APC2: variants seen among roughly 807,000 people sequenced by gnomAD.
The protein encoded by APC2 is APC regulator of Wnt signaling pathway 2, also known as adenomatous polyposis coli protein 2.
A neutral mutation model predicts 72.5 loss-of-function variants in APC2; 41 were observed. That is an observed-to-expected ratio of 0.57 (90% CI 0.44 to 0.73). APC2 has a LOEUF of 0.73. Ranked by LOEUF, APC2 falls within the 30% of genes least tolerant of loss-of-function variation. The probability of loss-of-function intolerance (pLI) is 0.00; values close to 1 mark genes in which losing one functional copy is unlikely to be tolerated. For missense variants in APC2, 3,729 were observed against 3,403.4 expected (o/e 1.10, Z -2.38); for synonymous variants, 1,898 against 1,612.0 (o/e 1.18, Z -4.25).
Position 1,462,182 on chromosome 19 carries a change from G to GCCCCCACC in APC2, c.1853+15_1853+22dup, listed in dbSNP as rs755456142. The GCCCCCACC allele has an allele frequency of 8.5e-6, 13 of 1,536,250 alleles. No homozygotes were observed. Among genetic ancestry groups the GCCCCCACC allele is most frequent in the African/African-American group, 1.4e-5 (1 of 72,790 alleles). ...CGCCACCCGTGAGGACTACAGGTCGGCCCCCACCCCCCCACCCGCACACAG... is the reference window on the plus strand; with the variant it reads ...CGCCACCCGTGAGGACTACAGGTCGGCCCCCACCCCCCCACCCCCCCACCCGCACACAG... On this transcript the variant is annotated splice_donor_region_variant and intron_variant, in intron 14 of 14. Transcript: ENST00000590469.
chr19:1,456,279 C>T (rs753947911), intron 7 of APC2, 27 bp from the exon 8 acceptor site: 4 of 1,591,944 alleles, frequency 2.5e-6, no homozygotes, highest in East Asian at 4.6e-5. Context: ...TGGGACTGTA[C>T]CCCCGACCCT....
At position 1,466,481 on chromosome 19, in the gene APC2, G is replaced by C. The variant is rs772140440; in HGVS notation, c.3180G>C (p.Ala1060=). The part of the protein sequence containing the change: ...VASKALQKLA[A]QEGPLSLSRC... ...GCAAGGCACTGCAGAAACTGGCGGCGCAAGAGGGGCCACTCTCGCTGTCCC... is the reference window on the plus strand; with the variant it reads ...GCAAGGCACTGCAGAAACTGGCGGCCCAAGAGGGGCCACTCTCGCTGTCCC... The change falls in exon 15 of 15, where the codon GCG becomes GCC. Residue 1060 remains alanine (A), a synonymous_variant. Coordinates refer to ENST00000590469, the MANE Select transcript of APC2 (RefSeq NM_005883.3). 7 of 1,597,762 alleles carry C rather than the reference G, an allele frequency of 4.4e-6. No individual in the cohort carries two copies. The highest frequency in any genetic ancestry group is 2.2e-5 in the East Asian group (1 of 44,826).
At chr19:1,450,671 G>C (rs2145174251) in intron 1 of APC2, among the ~76,000 whole-genome samples, 1 of 152,344 alleles carries the variant, frequency 6.6e-6, no homozygotes, top group Non-Finnish European at 1.5e-5. Context: ...TGGATTAAAG[G>C]AAGGAGAAAG....
Position 1,470,104 on chromosome 19 carries a change from C to G in APC2, c.6803C>G (p.Ala2268Gly). The part of the protein sequence containing the change: ...ASRHGSPSRS[A>G]RVPPFNYVPS... ...CGGCACGGCTCCCCCAGCCGCTCGG[C>G]CCGAGTACCCCCCTTCAACTATGTG... Residue 2268 changes from alanine to glycine, a missense_variant, in exon 15 of 15, where the codon GCC becomes GGC. By Grantham distance (60) the Ala-to-Gly change is moderately conservative (BLOSUM62 0). Transcript: ENST00000590469. The G allele has an allele frequency of 6.2e-7, 1 of 1,605,654 alleles. No individual in the cohort carries two copies.
rs1469084518 is a variant in APC2 at position 1,456,985 on chromosome 19, C to T, written c.949C>T (p.Leu317=). 1 of 1,536,720 alleles carries T rather than the reference C, an allele frequency of 6.5e-7. No individual in the cohort carries two copies. Among genetic ancestry groups the T allele is most frequent in the Non-Finnish European group, 8.7e-7 (1 of 1,147,344 alleles). The change falls in exon 9 of 15, where the codon CTG becomes TTG. Residue 317 remains leucine, a synonymous_variant. Coordinates refer to ENST00000590469, the MANE Select transcript of APC2 (RefSeq NM_005883.3). The part of the protein sequence containing the change: ...AMRRSGCLPL[L]LQILHGTEAA... ...GCGCCGCTCGGGCTGTCTGCCTCTG[C>T]TGCTGCAAATCCTCCACGGCACCGA... is the stretch of plus-strand genomic sequence containing the variant.
At chr19:1,453,754 G>A (rs2083776890) in intron 4 of APC2, 143 bp downstream of exon 4, 7 of 1,164,992 alleles carry the variant, frequency 6.0e-6, no homozygotes, top group Middle Eastern at 2.9e-4. Context: ...ACTGCCCACC[G>A]AACAACCCCG....
intron 4 of APC2, among the ~76,000 whole-genome samples, chr19:1,454,542 A>G (rs532189249): frequency 7.0e-6 from 1 of 143,168 alleles, no homozygotes; most frequent in Non-Finnish European, 1.5e-5. Context: ...GCGCACCATC[A>G]TGCCTGGCTA....
chr19:1,471,417 G>A lies in APC2; in HGVS notation c.*1204G>A, dbSNP rs1198022005. 1.3e-5 allele frequency: 2 copies of A among 152,344 alleles called. No homozygotes were observed. The highest frequency in any genetic ancestry group is 2.4e-5 in the African/African-American group (1 of 41,470). The allele number at this position is 152,344 out of a possible 1,614,324, so 9.4% of individuals were successfully genotyped here. ...TCCGGCAGGTGAACGCAGGGCTGGA[G>A]AGTATTTGGTGCCAGATGAGGTGAA... On this transcript the variant is annotated 3_prime_UTR_variant, in exon 15 of 15. Coordinates refer to ENST00000590469, the MANE Select transcript of APC2 (RefSeq NM_005883.3).
intron 8 of APC2, 141 bp downstream of exon 8, chr19:1,456,545 A>C (rs2656869): frequency 3.2e-6 from 3 of 936,562 alleles, no homozygotes; most frequent in South Asian, 1.7e-5. Flanking sequence ...TCTGGCGTGC[A>C]GCTCATGCAG....
rs1451693795 is a variant in APC2, at chr19:1,469,169, G to A, written c.5868G>A (p.Arg1956=). Reference sequence around the variant, plus strand: ...TCCCGGAGCCGGGCCCCAGGGGCCGGGCGGGGACCGAGGCGGGCCCGGGGG... The same window carrying A: ...TCCCGGAGCCGGGCCCCAGGGGCCGAGCGGGGACCGAGGCGGGCCCGGGGG... The part of the protein sequence containing the change: ...RAVPEPGPRG[R]AGTEAGPGAR... The change falls in exon 15 of 15, where the codon CGG becomes CGA. Residue 1956 remains arginine, a synonymous_variant. Transcript: ENST00000590469. 1.5e-6 allele frequency: 2 copies of A among 1,290,878 alleles called. No individual in the cohort carries two copies. The highest frequency in any genetic ancestry group is 3.2e-5 in the East Asian group (1 of 31,594). The allele number at this position is 1,290,878 out of a possible 1,614,324, so 80.0% of individuals were successfully genotyped here.
In APC2 at chr19:1,467,368, G is replaced by A. The variant is rs748759018; in HGVS notation, c.4067G>A (p.Arg1356His). ...CLGAAVPARLRKVASALVPGR... is the reference protein window; with the variant it reads ...CLGAAVPARLHKVASALVPGR... ...GGAGCCGCCGTGCCTGCCCGGCTGC[G>A]CAAGGTGGCCTCCGCGCTGGTGCCA... is the stretch of plus-strand genomic sequence containing the variant. Residue 1356 changes from arginine to histidine, a missense_variant, in exon 15 of 15, where the codon CGC becomes CAC. By Grantham distance (29) the Arg-to-His change is conservative. Transcript: ENST00000590469. 2 of 1,478,394 alleles carry A rather than the reference G, an allele frequency of 1.4e-6. No homozygotes were observed. The highest frequency in any genetic ancestry group is 2.2e-5 in the Admixed American group (1 of 44,586). 91.6% of individuals were successfully genotyped at this position (1,478,394 alleles called of 1,614,324 possible).
chr19:1,456,395 C>G lies in APC2; in HGVS notation c.807C>G (p.Gly269=), dbSNP rs781567744. The G allele has an allele frequency of 6.2e-7, 1 of 1,601,940 alleles. No individual in the cohort carries two copies. The highest frequency in any genetic ancestry group is 1.3e-5 in the African/African-American group (1 of 74,598). Reference sequence around the variant, plus strand: ...CTGAGGATGGCACCCCTCAGCCGGGCAACAGCAAGGTGAGGGGGAGGGTGA... The same window carrying G: ...CTGAGGATGGCACCCCTCAGCCGGGGAACAGCAAGGTGAGGGGGAGGGTGA... ...THPEDGTPQP[G]NSKVEVVFWL... is the part of the protein sequence containing the mutation. The change falls in exon 8 of 15, where the codon GGC becomes GGG. Residue 269 remains glycine (G), a synonymous_variant. Coordinates refer to ENST00000590469, the MANE Select transcript of APC2 (RefSeq NM_005883.3).
At chr19:1,463,734 G>C (rs1168363108) in intron 14 of APC2, among the ~76,000 whole-genome samples, 4 of 152,046 alleles carry the variant, frequency 2.6e-5, no homozygotes, top group Non-Finnish European at 5.9e-5. Flanking sequence ...TGGGTGATGG[G>C]AGTGAGACCC....
At chr19:1,453,911 G>A (rs1262084108) in intron 4 of APC2, among the ~76,000 whole-genome samples, 1 of 152,202 alleles carries the variant, frequency 6.6e-6, no homozygotes, top group African/African-American at 2.4e-5. Flanking sequence ...ACACGCAGGC[G>A]TCGCCAGGGA....
upstream of APC2, among the ~76,000 whole-genome samples, chr19:1,449,620 C>G (rs968699900): frequency 2.0e-5 from 3 of 152,106 alleles, no homozygotes; most frequent in African/African-American, 7.2e-5. Context: ...AGGTGCTCCC[C>G]AGTGGCCCTG....
intron 13 of APC2, 144 bp downstream of exon 13, chr19:1,461,297 G>A (rs1279172279): frequency 7.0e-6 from 5 of 710,228 alleles, no homozygotes; most frequent in Non-Finnish European, 1.2e-5. Context: ...GACCGGCTGG[G>A]GCTCACTCCT....
Position 1,468,266 on chromosome 19 carries a change from C to A in APC2, c.4965C>A (p.Thr1655=), listed in dbSNP as rs1253953617. 1 of 1,528,546 alleles carries A rather than the reference C, an allele frequency of 6.5e-7. No individual in the cohort carries two copies. The highest frequency in any genetic ancestry group is 8.8e-7 in the Non-Finnish European group (1 of 1,140,054). The allele number at this position is 1,528,546 out of a possible 1,614,324, so 94.7% of individuals were successfully genotyped here. Residue 1655 remains threonine (T), a synonymous_variant, in exon 15 of 15, where the codon ACC becomes ACA. Transcript: ENST00000590469. The part of the protein sequence containing the change: ...SGLRRRKPRA[T]RLDERPAEGS... The stretch of plus-strand genomic sequence containing the variant: ...TGCGGCGCCGCAAGCCCCGAGCCAC[C>A]CGGCTGGATGAGCGGCCCGCAGAGG...
At chr19:1,449,398 C>T (rs956145668), upstream of APC2, among the ~76,000 whole-genome samples, 2 of 152,164 alleles carry the variant, frequency 1.3e-5, no homozygotes, top group African/African-American at 2.4e-5. Context: ...ACTCCTGGGA[C>T]CCCTGGCCCT....
At position 1,470,196 on chromosome 19, in the gene APC2, G is replaced by C. The variant is rs747674848; in HGVS notation, c.6895G>C (p.Ala2299Pro). ...GGAGAAAGCCCCGGCCACTGCCTCCGCCACCCTCCTGGAATAGTGGCCTAG... is the reference window on the plus strand; with the variant it reads ...GGAGAAAGCCCCGGCCACTGCCTCCCCCACCCTCCTGGAATAGTGGCCTAG... ...AAEKAPATAS[A>P]TLLE is the part of the protein sequence containing the mutation. The change falls in exon 15 of 15, where the codon GCC becomes CCC. Residue 2299 changes from alanine to proline, a missense_variant. Physicochemically the swap from Ala to Pro is conservative, Grantham distance 27. Coordinates refer to ENST00000590469, the MANE Select transcript of APC2 (RefSeq NM_005883.3). 2 of 1,596,736 alleles carry C rather than the reference G, an allele frequency of 1.3e-6. No homozygotes were observed. Among genetic ancestry groups the C allele is most frequent in the Admixed American group, 1.7e-5 (1 of 58,916 alleles).
Sources: gnomAD v4.1 joint callset for allele counts (sites outside exome capture counted in the v4.1 genomes callset) on GRCh38, gnomAD v4.1.1 for gene constraint, MANE v1.5 for transcripts, NCBI Gene and HGNC (gene_info 2026-07-23, HGNC 2026-07-21) for gene names.